The following ZNF638 variants were observed in gnomAD, a reference collection of about 807,000 sequenced individuals.
The protein encoded by ZNF638 is CTCL tumor antigen se33-1.
In ZNF638, 46 loss-of-function variants were observed where a neutral mutation model predicts 195.6. The observed-to-expected ratio is 0.24, with a 90% confidence interval of 0.19 to 0.30. ZNF638 has a LOEUF of 0.30. Ranked by LOEUF, ZNF638 falls within the 10% of genes least tolerant of loss-of-function variation. The pLI is 1.00. For synonymous variants in ZNF638, 845 were observed against 772.0 expected (o/e 1.09, Z -1.57); for missense variants, 2,440 against 2,325.3 (o/e 1.05, Z -1.01).
In ZNF638 at chr2:71,349,832, T is replaced by G; in HGVS notation, c.878T>G (p.Met293Arg). ...SFFSVESGTK[M>R]SGLHISGGQS... is the part of the protein sequence containing the mutation. Reference sequence around the variant, plus strand: ...TTCTCAGTTGAGAGTGGAACCAAGATGTCAGGCTTACACATTTCAGGAGGA... The same window carrying G: ...TTCTCAGTTGAGAGTGGAACCAAGAGGTCAGGCTTACACATTTCAGGAGGA... The change falls in exon 2 of 28, where the codon ATG becomes AGG. Residue 293 changes from methionine to arginine, a missense_variant. By Grantham distance (91) the Met-to-Arg change is moderately conservative. Coordinates refer to ENST00000264447, the MANE Select transcript of ZNF638 (RefSeq NM_014497.5). 6.2e-7 allele frequency: 1 copy of G among 1,614,192 alleles called. No individual in the cohort carries two copies. Among genetic ancestry groups the G allele is most frequent in the Non-Finnish European group, 8.5e-7 (1 of 1,180,028 alleles).
At chr2:71,393,314 G>A in intron 10 of ZNF638, 1 of 661,064 alleles carries the variant, frequency 1.5e-6, no homozygotes, top group Non-Finnish European at 2.8e-6. Context: ...ATGGAAAGAT[G>A]TAAATAGTAA....
chr2:71,425,109 C>G (rs1039451272), intron 23 of ZNF638, among the ~76,000 whole-genome samples: 17 of 152,140 alleles, frequency 1.1e-4, no homozygotes, highest in Admixed American at 1.1e-3. Context: ...CCTTTTGGCT[C>G]TAATTTAACC....
intron 3 of ZNF638, among the ~76,000 whole-genome samples, chr2:71,359,203 GCTGT>G (rs2079070209): frequency 6.6e-6 from 1 of 152,130 alleles, no homozygotes. Flanking sequence ...CCCACAATAT[GCTGT>G]CTGTGTGTTG....
intron 8 of ZNF638, among the ~76,000 whole-genome samples, chr2:71,376,898 C>T (rs771355363): frequency 2.0e-5 from 3 of 152,206 alleles, no homozygotes; most frequent in Admixed American, 6.5e-5. Context: ...CTTGCCCCAC[C>T]GTTACCAGTA....
In ZNF638 at chr2:71,424,696, G is replaced by A. The variant is rs2080501716; in HGVS notation, c.4571G>A (p.Arg1524Lys). 9.9e-6 allele frequency: 16 copies of A among 1,613,332 alleles called. No homozygotes were observed. The highest frequency in any genetic ancestry group is 1.7e-5 in the Admixed American group (1 of 59,942). Residue 1524 changes from arginine to lysine, a missense_variant, in exon 23 of 28, where the codon AGA becomes AAA. Transcript: ENST00000264447. Reference sequence around the variant, plus strand: ...AAGAATCCTAAAAGCACTACTGGTAGAAGTTCCAAATCTAAAGAGGTAAAA... The same window carrying A: ...AAGAATCCTAAAAGCACTACTGGTAAAAGTTCCAAATCTAAAGAGGTAAAA... ...NTKNPKSTTG[R>K]SSKSKEEPLF...
chr2:71,426,338 G>A, intron 23 of ZNF638, 122 bp from the exon 24 acceptor site: 1 of 725,490 alleles, frequency 1.4e-6, no homozygotes, highest in African/African-American at 1.8e-5. Flanking sequence ...TTAGCCTTTA[G>A]GAAAACTAAT....
At chr2:71,374,073 G>A (rs1021863853) in intron 8 of ZNF638, 1 of 152,246 alleles carries the variant, frequency 6.6e-6, no homozygotes, top group East Asian at 1.9e-4. Flanking sequence ...TGATTCTCCT[G>A]CCTCGGCCTC....
intron 16 of ZNF638, among the ~76,000 whole-genome samples, chr2:71,402,446 A>C (rs1345184616): frequency 6.6e-6 from 1 of 152,138 alleles, no homozygotes; most frequent in Non-Finnish European, 1.5e-5. Flanking sequence ...TTAATACATA[A>C]GTATATATAT....
intron 3 of ZNF638, among the ~76,000 whole-genome samples, chr2:71,360,346 T>C (rs1273171519): frequency 6.6e-6 from 1 of 152,240 alleles, no homozygotes; most frequent in African/African-American, 2.4e-5. Context: ...AGTATTAGGA[T>C]GTTCTGCATA....
intron 6 of ZNF638, 87 bp from the exon 7 acceptor site, chr2:71,368,295 G>A: frequency 7.7e-7 from 1 of 1,296,912 alleles, no homozygotes; most frequent in Non-Finnish European, 1.1e-6. Flanking sequence ...ACTAATATTA[G>A]TGGTAGAAGA....
intron 10 of ZNF638, among the ~76,000 whole-genome samples, chr2:71,391,370 G>A (rs547349684): frequency 1.3e-4 from 20 of 152,210 alleles, no homozygotes; most frequent in Non-Finnish European, 2.6e-4. Flanking sequence ...AGGGCAGCTT[G>A]CCAATTTCAT....
At chr2:71,434,433 C>T (rs189099993) in intron 27 of ZNF638, among the ~76,000 whole-genome samples, 4 of 152,274 alleles carry the variant, frequency 2.6e-5, no homozygotes, top group Admixed American at 6.5e-5. Flanking sequence ...TGCTTACCAC[C>T]GCCCCCAAAG....
chr2:71,365,282 A>T (rs2079177196), intron 5 of ZNF638, 147 bp from the exon 6 acceptor site: 1 of 623,658 alleles, frequency 1.6e-6, no homozygotes, highest in South Asian at 2.9e-5. Flanking sequence ...CTTCATGTAA[A>T]AGCCTTCTGA....
chr2:71,358,038 G>A (rs2079052516), intron 3 of ZNF638, among the ~76,000 whole-genome samples: 1 of 152,136 alleles, frequency 6.6e-6, no homozygotes. Context: ...GAGGCTCTGG[G>A]GGAAAATCTG....
intron 10 of ZNF638, among the ~76,000 whole-genome samples, chr2:71,386,200 G>T (rs563069128): frequency 2.1e-4 from 31 of 150,770 alleles, no homozygotes; most frequent in African/African-American, 5.8e-4. Context: ...AGGCTGATCT[G>T]GGAGGATTGC....
chr2:71,392,781 C>T (rs2079808801), intron 10 of ZNF638, among the ~76,000 whole-genome samples: 3 of 152,172 alleles, frequency 2.0e-5, no homozygotes, highest in Admixed American at 1.3e-4. Flanking sequence ...TGCCAGCTCA[C>T]AGGCACATCT....
chr2:71,360,867 T>G (rs1057019005), intron 3 of ZNF638, among the ~76,000 whole-genome samples: 2 of 152,206 alleles, frequency 1.3e-5, no homozygotes, highest in Non-Finnish European at 1.5e-5. Flanking sequence ...TTTGACTAGT[T>G]GGGCAGTATA....
chr2:71,365,045 A>G (rs1453132508), intron 5 of ZNF638, among the ~76,000 whole-genome samples: 11 of 152,204 alleles, frequency 7.2e-5, no homozygotes, highest in South Asian at 2.1e-4. Flanking sequence ...TTATAAAAAT[A>G]TTTATGTTAA....
rs747400010 is a variant in ZNF638, at chr2:71,349,793, A to G, written c.839A>G (p.Asn280Ser). ...RQMDFPGESS[N>S]NRSFFSVESG... Reference sequence around the variant, plus strand: ...ATGGACTTCCCCGGTGAGTCCTCCAATAATCGGTCCTTTTTCTCAGTTGAG... The same window carrying G: ...ATGGACTTCCCCGGTGAGTCCTCCAGTAATCGGTCCTTTTTCTCAGTTGAG... The change falls in exon 2 of 28, where the codon AAT becomes AGT. Residue 280 changes from asparagine (N) to serine (S), a missense_variant. By Grantham distance (46) the Asn-to-Ser change is conservative (BLOSUM62 1). Coordinates refer to ENST00000264447, the MANE Select transcript of ZNF638 (RefSeq NM_014497.5). The G allele has an allele frequency of 5.6e-6, 9 of 1,614,184 alleles. No homozygotes were observed. The East Asian group carries it at 1.1e-4, about 20-fold the overall frequency.
Sources: gnomAD v4.1 joint callset for allele counts (sites outside exome capture counted in the v4.1 genomes callset) on GRCh38, gnomAD v4.1.1 for gene constraint, MANE v1.5 for transcripts, NCBI Gene and HGNC (gene_info 2026-07-23, HGNC 2026-07-21) for gene names.